The following RBPJ variants were observed in gnomAD, a reference collection of about 807,000 sequenced individuals.
RBPJ encodes the protein recombining binding protein suppressor of hairless.
In RBPJ, 9 loss-of-function variants were observed where a neutral mutation model predicts 67.8. That is an observed-to-expected ratio of 0.13 (90% CI 0.08 to 0.23). RBPJ has a LOEUF of 0.23. Ranked by LOEUF, RBPJ falls within the 10% of genes least tolerant of loss-of-function variation. The pLI is 1.00. For missense variants in RBPJ, 305 were observed against 595.6 expected, an observed-to-expected ratio of 0.51 and a Z score of 5.08; for synonymous variants, 198 against 203.3, an observed-to-expected ratio of 0.97 and a Z score of 0.22.
At chr4:26,184,961 G>T (rs189214105) in intron 1 of RBPJ, among the ~76,000 whole-genome samples, 1 of 152,026 alleles carries the variant, frequency 6.6e-6, no homozygotes, top group Admixed American at 6.6e-5. Context: ...GGCCAACATG[G>T]CAAAGCCCCG....
upstream of RBPJ, among the ~76,000 whole-genome samples, chr4:26,318,764 C>A (rs766114828): frequency 1.3e-5 from 2 of 151,696 alleles, no homozygotes; most frequent in African/African-American, 4.8e-5. Context: ...TTTGGGAGGC[C>A]GAGGCGGGCG....
chr4:26,305,622 T>A (rs1277134764), intron 1 of RBPJ, among the ~76,000 whole-genome samples: 5 of 152,112 alleles, frequency 3.3e-5, no homozygotes, highest in Admixed American at 1.3e-4. Context: ...GAAATGGGAT[T>A]GTTTTCTTAG....
At chr4:26,113,022 G>A in the RBPJ span, 4 of 155,788 alleles carry the variant, frequency 2.6e-5, no homozygotes, top group Admixed American at 6.3e-5. Flanking sequence ...CAAAGTGCTG[G>A]GATTACAAGT....
intron 1 of RBPJ, among the ~76,000 whole-genome samples, chr4:26,265,908 A>G (rs954571774): frequency 2.0e-5 from 3 of 151,802 alleles, no homozygotes; most frequent in Non-Finnish European, 4.4e-5. Context: ...CTGGTGGCAC[A>G]TGCCTGTAGT....
chr4:26,418,059 T>C (rs574867839), intron 4 of RBPJ, among the ~76,000 whole-genome samples: 3 of 152,356 alleles, frequency 2.0e-5, no homozygotes, highest in African/African-American at 2.4e-5. Flanking sequence ...GTTAACACTC[T>C]TGTGTTTTTC....
chr4:26,234,217 CT>C (rs1355412702), intron 1 of RBPJ, among the ~76,000 whole-genome samples: 1 of 152,186 alleles, frequency 6.6e-6, no homozygotes, highest in Non-Finnish European at 1.5e-5. Flanking sequence ...TACTGAACTA[CT>C]ACTGTACTTT....
intron 1 of RBPJ, among the ~76,000 whole-genome samples, chr4:26,212,365 C>G (rs1718454448): frequency 1.3e-5 from 2 of 151,580 alleles, no homozygotes; most frequent in South Asian, 4.2e-4. Flanking sequence ...CATTTTAAGC[C>G]TCAGAAACAG....
chr4:26,250,267 T>C (rs1720064297), intron 1 of RBPJ, among the ~76,000 whole-genome samples: 1 of 152,072 alleles, frequency 6.6e-6, no homozygotes, highest in African/African-American at 2.4e-5. Context: ...CTCTGGCTTA[T>C]TTCACTTAGC....
chr4:26,302,144 G>A (rs1384829477), intron 1 of RBPJ, among the ~76,000 whole-genome samples: 1 of 152,136 alleles, frequency 6.6e-6, no homozygotes, highest in Non-Finnish European at 1.5e-5. Flanking sequence ...CAGATTGTTA[G>A]AAGAGTATAA....
Position 26,339,888 on chromosome 4 carries a change from G to A in RBPJ, c.20+18840G>A, listed in dbSNP as rs540913290. 5.9e-5 allele frequency among the ~76,000 whole-genome samples: 9 copies of A among 152,110 alleles called. No homozygotes were observed. The South Asian group carries it at 6.2e-4, about 11-fold the overall frequency. ...ACAAAAATTAGCCGGGCATGATGGC[G>A]GTTGCCTGTAATACCAGCTACTTGG... On this transcript the variant is annotated intron_variant, in intron 1 of 10. Coordinates refer to ENST00000355476, the MANE Select transcript of RBPJ (RefSeq NM_015874.6).
Position 26,261,937 on chromosome 4 carries a change from T to C in RBPJ, c.-167+98323T>C, listed in dbSNP as rs201271041. ...TGACTATTTTAAGTTTTATTTTTTATTTTAAAATTTTTATCTTTTTGTGTT... is the reference window on the plus strand; with the variant it reads ...TGACTATTTTAAGTTTTATTTTTTACTTTAAAATTTTTATCTTTTTGTGTT... On this transcript the variant is annotated intron_variant, in intron 1 of 4. Transcript: ENST00000512351. Among the ~76,000 whole-genome samples the C allele has an allele frequency of 7.7e-4, 118 of 152,344 alleles. 2 individuals are homozygous for C. Among genetic ancestry groups the C allele is most frequent in the Admixed American group, 4.2e-3 (64 of 15,308 alleles).
At chr4:26,138,213 T>C in the RBPJ span, among the ~76,000 whole-genome samples, 1 of 152,058 alleles carries the variant, frequency 6.6e-6, no homozygotes, top group Admixed American at 6.6e-5. Flanking sequence ...CCTGATATCA[T>C]CCCAACCTCC....
At chr4:26,365,167 G>A (rs1360864099) in intron 1 of RBPJ, among the ~76,000 whole-genome samples, 1 of 151,992 alleles carries the variant, frequency 6.6e-6, no homozygotes, top group African/African-American at 2.4e-5. Context: ...CAGATTAAGT[G>A]TTGATGATTA....
At chr4:26,378,079 A>G (rs1729944517) in intron 1 of RBPJ, among the ~76,000 whole-genome samples, 1 of 152,012 alleles carries the variant, frequency 6.6e-6, no homozygotes, top group Admixed American at 6.6e-5. Flanking sequence ...GTGTGTCCTT[A>G]GTCTCCTTTA....
At chr4:26,426,496 A>G (rs1056032234) in intron 7 of RBPJ, among the ~76,000 whole-genome samples, 1 of 152,222 alleles carries the variant, frequency 6.6e-6, no homozygotes, top group African/African-American at 2.4e-5. Context: ...AGACGCTGAT[A>G]CATAAATCTT....
intron 2 of RBPJ, among the ~76,000 whole-genome samples, chr4:26,395,191 T>C (rs558738788): frequency 2.6e-5 from 4 of 152,154 alleles, no homozygotes; most frequent in Non-Finnish European, 5.9e-5. Context: ...GCATGGTGGC[T>C]CAAGCCTGTA....
Position 26,371,625 on chromosome 4 carries a change from C to T in RBPJ, c.21-14728C>T, listed in dbSNP as rs74442192. On this transcript the variant is annotated intron_variant, in intron 1 of 10. Transcript: ENST00000355476. ...CTTTAGGAGTCTGAATTTGAGTGAT[C>T]TCTACAGCTGTTAACACAGATTTCC... Among the ~76,000 whole-genome samples, 436 of 152,186 alleles carry T rather than the reference C, an allele frequency of 2.9e-3. 10 individuals carry two copies. In the East Asian group the frequency reaches 0.078, roughly 27 times the overall value.
intron 1 of RBPJ, among the ~76,000 whole-genome samples, chr4:26,265,481 C>T (rs1720673905): frequency 6.6e-6 from 1 of 150,892 alleles, no homozygotes; most frequent in South Asian, 2.1e-4. Context: ...GTGGCTACTG[C>T]ACTCCAGCCT....
At chr4:26,343,674 A>C (rs1474880832) in intron 1 of RBPJ, among the ~76,000 whole-genome samples, 1 of 142,138 alleles carries the variant, frequency 7.0e-6, no homozygotes, top group Admixed American at 7.0e-5. Flanking sequence ...CAGCCTCCTG[A>C]GTACCTGGGA....
Sources: allele counts gnomAD v4.1 joint callset (sites outside exome capture counted in the v4.1 genomes callset), GRCh38; gene constraint gnomAD v4.1.1; transcripts MANE v1.5; gene names NCBI Gene and HGNC (gene_info 2026-07-23, HGNC 2026-07-21).